SBNO2: variants seen among roughly 807,000 people sequenced by gnomAD.
SBNO2 encodes the protein protein strawberry notch homolog 2.
In SBNO2, 89 loss-of-function variants were observed where a neutral mutation model predicts 146.3. The observed-to-expected ratio is 0.61, with a 90% CI of 0.51 to 0.73. The LOEUF (loss-of-function observed/expected upper bound fraction) is 0.73. Ranked by LOEUF, SBNO2 falls within the 30% of genes least tolerant of loss-of-function variation. The pLI, the probability that SBNO2 is intolerant of heterozygous loss-of-function variation, is 0.00. For synonymous variants in SBNO2, 1,147 were observed against 892.6 expected, an observed-to-expected ratio of 1.29 and a Z score of -5.08; for missense variants, 2,092 against 2,003.7, an observed-to-expected ratio of 1.04 and a Z score of -0.84.
Position 1,122,515 on chromosome 19 carries a change from G to A in SBNO2, c.958C>T (p.Leu320=). ...ATGCCCGTGGCTTCGATGTCCCGCA[G>A]GTCGCGCTCCGCATCGTACTTGAGG... ...NDLKYDAERD[L]RDIEATGIAV... Residue 320 remains leucine (L), a synonymous_variant, in exon 10 of 32, where the codon CTG becomes TTG. Coordinates refer to ENST00000361757, the MANE Select transcript of SBNO2 (RefSeq NM_014963.3). 6.4e-7 allele frequency: 1 copy of A among 1,566,926 alleles called. No homozygotes were observed. Among genetic ancestry groups the A allele is most frequent in the Non-Finnish European group, 8.6e-7 (1 of 1,158,196 alleles).
chr19:1,133,951 C>T (rs1185797379), intron 4 of SBNO2, among the ~76,000 whole-genome samples: 1 of 152,222 alleles, frequency 6.6e-6, no homozygotes, highest in Non-Finnish European at 1.5e-5. Context: ...TGCACTCCCA[C>T]GTGCCATCAG....
At chr19:1,172,236 T>C (rs2080484808) in intron 1 of SBNO2, among the ~76,000 whole-genome samples, 1 of 152,228 alleles carries the variant, frequency 6.6e-6, no homozygotes, top group Admixed American at 6.5e-5. Context: ...GCGTCTCCTC[T>C]GCCGTCTCCC....
At chr19:1,141,389 AT>A (rs1216546664) in intron 4 of SBNO2, among the ~76,000 whole-genome samples, 1 of 151,874 alleles carries the variant, frequency 6.6e-6, no homozygotes, top group Non-Finnish European at 1.5e-5. Context: ...TAATTTTTGT[AT>A]TTGTAGTAGA....
intron 8 of SBNO2, 35 bp from the exon 9 acceptor site, chr19:1,122,826 T>C (rs2079919127): frequency 2.0e-6 from 3 of 1,537,030 alleles, no homozygotes; most frequent in Non-Finnish European, 2.6e-6. Context: ...GGCCTGGGGG[T>C]GCTGGCCCGG....
At chr19:1,145,617 G>A (rs1438269172) in intron 4 of SBNO2, among the ~76,000 whole-genome samples, 3 of 152,136 alleles carry the variant, frequency 2.0e-5, no homozygotes, top group Non-Finnish European at 4.4e-5. Context: ...TGGCGGTGAG[G>A]AAGGAGCCAC....
Position 1,108,860 on chromosome 19 carries a change from C to T in SBNO2, c.3535G>A (p.Ala1179Thr). 2.5e-6 allele frequency: 4 copies of T among 1,595,672 alleles called. No homozygotes were observed. The highest frequency in any genetic ancestry group is 2.2e-5 in the East Asian group (1 of 44,532). Reference sequence around the variant, plus strand: ...CTGCTGACGTCGGCCATGACGGCGGCGATGCGGCCCCACACGCGCAGCAGC... The same window carrying T: ...CTGCTGACGTCGGCCATGACGGCGGTGATGCGGCCCCACACGCGCAGCAGC... ...GALLRVWGRI[A>T]AVMADVSSSS... Residue 1179 changes from alanine to threonine, a missense_variant, in exon 31 of 32, where the codon GCC becomes ACC. Ala to Thr is a moderately conservative substitution (Grantham distance 58). Coordinates refer to ENST00000361757, the MANE Select transcript of SBNO2 (RefSeq NM_014963.3).
At chr19:1,129,784 G>A (rs1048889076) in intron 4 of SBNO2, among the ~76,000 whole-genome samples, 3 of 152,200 alleles carry the variant, frequency 2.0e-5, no homozygotes, top group Non-Finnish European at 4.4e-5. Flanking sequence ...GGTGGTGCAG[G>A]GAGCGCAGGC....
At chr19:1,119,670 G>T in intron 12 of SBNO2, 49 bp from the exon 13 acceptor site, 1 of 1,483,426 alleles carries the variant, frequency 6.7e-7, no homozygotes, top group Non-Finnish European at 9.3e-7. Flanking sequence ...GGGCCCAGAG[G>T]CCGCGTCAGG....
chr19:1,133,239 C>G (rs1427930976), intron 4 of SBNO2, among the ~76,000 whole-genome samples: 1 of 152,122 alleles, frequency 6.6e-6, no homozygotes, highest in Non-Finnish European at 1.5e-5. Flanking sequence ...CGGCCGAGAC[C>G]GCGCAGGTGG....
Position 1,109,431 on chromosome 19 carries a change from G to A in SBNO2, c.3217-8C>T. On this transcript the variant is annotated splice_polypyrimidine_tract_variant and splice_region_variant and intron_variant, in intron 28 of 31. Transcript: ENST00000361757. The surrounding 1 kb of genome is among the most constrained non-coding windows in gnomAD (Gnocchi z 4.2). The stretch of plus-strand genomic sequence containing the variant: ...GGGCTTGTTACCGCGGACCTGCGGA[G>A]GGGGGCGTTGAGGCCGCGCCCCGGT... 7.0e-6 allele frequency: 11 copies of A among 1,563,738 alleles called. No homozygotes were observed. Among genetic ancestry groups the A allele is most frequent in the Non-Finnish European group, 7.8e-6 (9 of 1,155,250 alleles).
chr19:1,145,138 G>A (rs936347074), intron 4 of SBNO2, among the ~76,000 whole-genome samples: 1 of 151,872 alleles, frequency 6.6e-6, no homozygotes, highest in Non-Finnish European at 1.5e-5. Context: ...GAGAGACTAG[G>A]AGCAGGGGGA....
In SBNO2 at chr19:1,112,192, A is replaced by G; in HGVS notation, c.2625T>C (p.Ser875=). ...FASIVAKRLE[S]LGALTHGDRR... is the part of the protein sequence containing the mutation. ...AGCCCCACCCCCACCTGCTCACCAG[A>G]CTCTCCAGGCGCTTGGCCACGATGG... The change falls in exon 22 of 32, where the codon AGT becomes AGC. Residue 875 remains serine (S), a synonymous_variant. Coordinates refer to ENST00000361757, the MANE Select transcript of SBNO2 (RefSeq NM_014963.3). The surrounding 1 kb of genome is among the most constrained non-coding windows in gnomAD (Gnocchi z 5.9). 4 of 1,585,472 alleles carry G rather than the reference A, an allele frequency of 2.5e-6. No homozygotes were observed. Among genetic ancestry groups the G allele is most frequent in the Non-Finnish European group, 3.4e-6 (4 of 1,166,038 alleles).
chr19:1,142,321 C>T (rs1412303582), intron 4 of SBNO2, among the ~76,000 whole-genome samples: 1 of 140,588 alleles, frequency 7.1e-6, no homozygotes, highest in Non-Finnish European at 1.6e-5. Flanking sequence ...GCCGTGAAGG[C>T]TCTCCAGCAG....
intron 7 of SBNO2, 68 bp from the exon 8 acceptor site, chr19:1,123,113 A>C (rs905407547): frequency 5.8e-5 from 89 of 1,538,664 alleles, no homozygotes; most frequent in Non-Finnish European, 7.4e-5. Context: ...CGGTTATGGC[A>C]CGCTGGGCGG....
Position 1,119,767 on chromosome 19 carries a change from G to A in SBNO2, c.1267+139C>T, listed in dbSNP as rs2079877810. Reference sequence around the variant, plus strand: ...GAGAGCCAGCGTGGCCTTGGGACAGGCGCAGAGGTGCCCCAGTGTCCGAGG... The same window carrying A: ...GAGAGCCAGCGTGGCCTTGGGACAGACGCAGAGGTGCCCCAGTGTCCGAGG... On this transcript the variant is annotated intron_variant, in intron 12 of 31. Coordinates refer to ENST00000361757, the MANE Select transcript of SBNO2 (RefSeq NM_014963.3). 12 of 939,486 alleles carry A rather than the reference G, an allele frequency of 1.3e-5. No homozygotes were observed. In the South Asian group the frequency reaches 1.4e-4, roughly 11 times the overall value. 58.2% of individuals were successfully genotyped at this position (939,486 alleles called of 1,614,324 possible).
chr19:1,132,287 G>T (rs1236505626), intron 4 of SBNO2: 2 of 1,311,338 alleles, frequency 1.5e-6, no homozygotes, highest in Non-Finnish European at 1.9e-6. Context: ...TTTAGTCACC[G>T]CCGCCGGCGC....
Position 1,108,138 on chromosome 19 carries a change from G to A in SBNO2, c.*82C>T, listed in dbSNP as rs1414420578. On this transcript the variant is annotated 3_prime_UTR_variant, in exon 32 of 32. Coordinates refer to ENST00000361757, the MANE Select transcript of SBNO2 (RefSeq NM_014963.3). The stretch of plus-strand genomic sequence containing the variant: ...AGGGCTCCTCTGAGCAGTGGTCAGG[G>A]GACCTTGGCCCTGCTCCCCACCGCT... The A allele has an allele frequency of 1.4e-5, 20 of 1,379,822 alleles. No individual in the cohort carries two copies. Among genetic ancestry groups the A allele is most frequent in the African/African-American group, 7.8e-5 (5 of 64,506 alleles). The allele number at this position is 1,379,822 out of a possible 1,614,324, so 85.5% of individuals were successfully genotyped here.
At position 1,158,253 on chromosome 19, in the gene SBNO2, T is replaced by G. The variant is rs2080310942; in HGVS notation, c.-126-3851A>C. Among the ~76,000 whole-genome samples the G allele has an allele frequency of 6.6e-6, 1 of 151,430 alleles. No individual in the cohort carries two copies. The highest frequency in any genetic ancestry group is 2.4e-5 in the African/African-American group (1 of 41,140). On this transcript the variant is annotated intron_variant, in intron 1 of 31. Transcript: ENST00000361757. This position sits in a 1 kb window ranked among gnomAD's most constrained non-coding sequence, Gnocchi z 9.9. Reference sequence around the variant, plus strand: ...TGGAGCCCCTTCGCGCGCTCCGCCCTCAGACCCGAGCCGTCTGCAGATGGG... The same window carrying G: ...TGGAGCCCCTTCGCGCGCTCCGCCCGCAGACCCGAGCCGTCTGCAGATGGG...
In SBNO2 at chr19:1,122,055, C is replaced by T. The variant is rs2079906495; in HGVS notation, c.1149+84G>A. On this transcript the variant is annotated intron_variant, in intron 11 of 31. Coordinates refer to ENST00000361757, the MANE Select transcript of SBNO2 (RefSeq NM_014963.3). ...TGCCCTCCTCTCCCCTGACTCCCAC[C>T]CCTCCTCTCCCACTCCTCCATCCTC... The T allele has an allele frequency of 1.2e-5, 12 of 1,001,440 alleles. 1 individual carries two copies. In the South Asian group the frequency reaches 1.8e-4, roughly 15 times the overall value. 62.0% of individuals were successfully genotyped at this position (1,001,440 alleles called of 1,614,324 possible). A position where few individuals can be genotyped will look rare whatever the true frequency, so the allele number is the denominator to read the frequency against.
Sources: allele counts gnomAD v4.1 joint callset (sites outside exome capture counted in the v4.1 genomes callset), GRCh38; gene constraint gnomAD v4.1.1; non-coding constraint Gnocchi (gnomAD v3.1); transcripts MANE v1.5; gene names NCBI Gene and HGNC (gene_info 2026-07-23, HGNC 2026-07-21).